Variants in RBM6 observed in about 807,000 individuals in gnomAD.
The protein encoded by RBM6 is RNA-binding protein 6.
RBM6 carries 23 observed loss-of-function variants against 140.4 expected under a neutral mutation model. That is an observed-to-expected ratio of 0.16 (90% CI 0.12 to 0.23). The LOEUF (loss-of-function observed/expected upper bound fraction) is 0.23. RBM6 is among the 10% of genes least tolerant of loss of function. The pLI, the probability that RBM6 is intolerant of heterozygous loss-of-function variation, is 1.00. For missense variants in RBM6, 1,139 were observed against 1,386.7 expected, an observed-to-expected ratio of 0.82 and a Z score of 2.84; for synonymous variants, 439 against 475.6, an observed-to-expected ratio of 0.92 and a Z score of 1.00.
intron 6 of RBM6, among the ~76,000 whole-genome samples, chr3:50,016,429 A>G (rs2087148508): frequency 6.6e-6 from 1 of 152,116 alleles, no homozygotes; most frequent in Admixed American, 6.6e-5. Context: ...TCTCAGACAT[A>G]ATGATTTCAG....
At chr3:50,046,669 T>C (rs2089243462) in intron 6 of RBM6, among the ~76,000 whole-genome samples, 1 of 151,762 alleles carries the variant, frequency 6.6e-6, no homozygotes, top group Non-Finnish European at 1.5e-5. Context: ...CCTTCCCAGA[T>C]CCTTCCCTGC....
At chr3:49,995,637 G>A (rs191407614) in intron 5 of RBM6, among the ~76,000 whole-genome samples, 24 of 152,030 alleles carry the variant, frequency 1.6e-4, no homozygotes, top group Admixed American at 1.6e-3. Context: ...TTTTGTAATA[G>A]TCATATAAAT....
chr3:50,017,204 T>C (rs1341212268), intron 6 of RBM6, among the ~76,000 whole-genome samples: 1 of 152,188 alleles, frequency 6.6e-6, no homozygotes, highest in Non-Finnish European at 1.5e-5. Context: ...CAATTTTTTT[T>C]CTTCTTTTAA....
At chr3:50,023,538 G>T (rs530210753) in intron 6 of RBM6, among the ~76,000 whole-genome samples, 1 of 152,004 alleles carries the variant, frequency 6.6e-6, no homozygotes, top group Admixed American at 6.6e-5. Context: ...ACCGCAGTCC[G>T]TGCTAGTATT....
At chr3:50,031,965 C>T (rs1443716337) in intron 6 of RBM6, among the ~76,000 whole-genome samples, 1 of 152,110 alleles carries the variant, frequency 6.6e-6, no homozygotes, top group Non-Finnish European at 1.5e-5. Flanking sequence ...AATAAATACA[C>T]CTACTATGTA....
At chr3:50,038,781 C>T (rs903988182) in intron 6 of RBM6, among the ~76,000 whole-genome samples, 3 of 152,028 alleles carry the variant, frequency 2.0e-5, no homozygotes, top group Admixed American at 6.6e-5. Flanking sequence ...TGCAGTGAGC[C>T]GAGATCGCGC....
rs369038973 is a variant in RBM6, at chr3:50,058,383, C to T, written c.1970-19C>T. The T allele has an allele frequency of 8.8e-6, 14 of 1,596,644 alleles. No individual in the cohort carries two copies. Among genetic ancestry groups the T allele is most frequent in the Admixed American group, 1.7e-5 (1 of 59,896 alleles). ...TTCTCTCCCTTGTGTTGCCCTTCTC[C>T]CATTTATGGTTGATTCAGCTATCAT... On this transcript the variant is annotated intron_variant, in intron 9 of 20. Coordinates refer to ENST00000266022, the MANE Select transcript of RBM6 (RefSeq NM_005777.3).
intron 6 of RBM6, among the ~76,000 whole-genome samples, chr3:50,028,902 G>A (rs74819080): frequency 6.6e-6 from 1 of 152,190 alleles, no homozygotes; most frequent in Admixed American, 6.5e-5. Flanking sequence ...CCCAACCCAA[G>A]TGACCTCCTT....
intron 6 of RBM6, among the ~76,000 whole-genome samples, chr3:50,006,162 T>C (rs1007257625): frequency 4.0e-5 from 6 of 149,988 alleles, no homozygotes; most frequent in East Asian, 1.9e-4. Context: ...TTTTTTTTTT[T>C]CAGATGGAGT....
chr3:49,957,935 G>T (rs2084076416), intron 1 of RBM6, among the ~76,000 whole-genome samples: 2 of 151,352 alleles, frequency 1.3e-5, no homozygotes, highest in Admixed American at 6.6e-5. Context: ...GGGTTCAAAA[G>T]ATTTTCTTGC....
chr3:50,071,632 C>T (rs1225831702), intron 19 of RBM6, among the ~76,000 whole-genome samples: 2 of 151,934 alleles, frequency 1.3e-5, no homozygotes, highest in Non-Finnish European at 2.9e-5. Flanking sequence ...GAGACCCTGC[C>T]TCTATTTAAA....
At chr3:50,060,859 G>T (rs2089910312) in intron 11 of RBM6, 97 bp from the exon 12 acceptor site, 2 of 1,312,034 alleles carry the variant, frequency 1.5e-6, no homozygotes. Flanking sequence ...CCTGCAAAAT[G>T]AGGAACAGAG....
intron 1 of RBM6, among the ~76,000 whole-genome samples, chr3:49,948,651 G>A (rs538022309): frequency 7.0e-4 from 106 of 151,076 alleles, no homozygotes; most frequent in African/African-American, 2.4e-3. Context: ...GGTGGAGGTT[G>A]CAGTGAGCCA....
At chr3:50,058,295 C>T in intron 9 of RBM6, 107 bp from the exon 10 acceptor site, 1 of 1,263,292 alleles carries the variant, frequency 7.9e-7, no homozygotes, top group Non-Finnish European at 1.1e-6. Context: ...CAGAACCAGC[C>T]TTGCTAGTAG....
intron 1 of RBM6, among the ~76,000 whole-genome samples, chr3:49,946,660 C>T (rs1435673498): frequency 6.6e-6 from 1 of 151,960 alleles, no homozygotes; most frequent in African/African-American, 2.4e-5. Context: ...CTCAGCCTCC[C>T]GGGTAGCTGG....
chr3:50,077,169 C>T lies in RBM6; in HGVS notation c.*36C>T. 3.2e-6 allele frequency: 5 copies of T among 1,573,600 alleles called. No homozygotes were observed. The highest frequency in any genetic ancestry group is 2.3e-5 in the East Asian group (1 of 42,730). On this transcript the variant is annotated 3_prime_UTR_variant, in exon 21 of 21. Coordinates refer to ENST00000266022, the MANE Select transcript of RBM6 (RefSeq NM_005777.3). ...AAGTTCCATGGGATACAACCTCCCT[C>T]TTGTTTTGTTTGTCTCTCCTTTTCT...
chr3:50,043,267 T>C (rs954871884), intron 6 of RBM6, among the ~76,000 whole-genome samples: 2 of 152,140 alleles, frequency 1.3e-5, no homozygotes, highest in East Asian at 3.9e-4. Context: ...GCGATCACTT[T>C]AGGCCAGGAG....
At chr3:50,031,983 A>C (rs2088194725) in intron 6 of RBM6, among the ~76,000 whole-genome samples, 1 of 152,176 alleles carries the variant, frequency 6.6e-6, no homozygotes, top group Non-Finnish European at 1.5e-5. Context: ...GTATCCACAA[A>C]AATTTCTTAA....
chr3:50,046,559 A>G (rs1252596648), intron 6 of RBM6, among the ~76,000 whole-genome samples: 1 of 151,448 alleles, frequency 6.6e-6, no homozygotes, highest in East Asian at 1.9e-4. Context: ...AGCCTGGGCA[A>G]CAAGAGCGAA....
Sources: allele counts gnomAD v4.1 joint callset (sites outside exome capture counted in the v4.1 genomes callset), GRCh38; gene constraint gnomAD v4.1.1; transcripts MANE v1.5; gene names NCBI Gene and HGNC (gene_info 2026-07-23, HGNC 2026-07-21).